Variants in DOP1B observed in about 807,000 individuals in gnomAD.
The protein encoded by DOP1B is DOP1 leucine zipper like protein B.
In DOP1B, 174 loss-of-function variants were observed where a neutral mutation model predicts 233.5. That is an observed-to-expected ratio of 0.75 (90% CI 0.66 to 0.85). DOP1B has a LOEUF of 0.85. DOP1B is among the 40% of genes least tolerant of loss of function. DOP1B has a pLI of 0.00. For synonymous variants in DOP1B, 1,190 were observed against 1,185.6 expected, an observed-to-expected ratio of 1.00 and a Z score of -0.08; for missense variants, 2,652 against 2,846.6, an observed-to-expected ratio of 0.93 and a Z score of 1.56.
chr21:36,212,829 T>C (rs1178870349), intron 7 of DOP1B, among the ~76,000 whole-genome samples: 9 of 152,244 alleles, frequency 5.9e-5, no homozygotes, highest in African/African-American at 1.7e-4. Flanking sequence ...TCGCCCAGAC[T>C]GGAGTGCAGT....
chr21:36,209,614 C>G (rs980672769), intron 5 of DOP1B, among the ~76,000 whole-genome samples: 1 of 152,154 alleles, frequency 6.6e-6, no homozygotes, highest in Non-Finnish European at 1.5e-5. Flanking sequence ...GCGTCCTCCC[C>G]CTCCTCTCTT....
At chr21:36,191,757 GC>G (rs1235091590) in intron 2 of DOP1B, among the ~76,000 whole-genome samples, 1 of 150,280 alleles carries the variant, frequency 6.7e-6, no homozygotes, top group African/African-American at 2.5e-5. Flanking sequence ...CTGCACTCCA[GC>G]CTGGCAACAG....
intron 27 of DOP1B, among the ~76,000 whole-genome samples, chr21:36,272,267 G>A (rs1460386793): frequency 1.3e-5 from 2 of 151,250 alleles, no homozygotes; most frequent in East Asian, 3.9e-4. Context: ...GTGAGAGGAT[G>A]GCTTGAGGCT....
intron 2 of DOP1B, among the ~76,000 whole-genome samples, chr21:36,166,165 G>A (rs906505658): frequency 6.6e-6 from 1 of 151,686 alleles, no homozygotes; most frequent in Non-Finnish European, 1.5e-5. Flanking sequence ...CAGACGTGGT[G>A]GCTCACACCT....
chr21:36,277,876 A>G (rs911329371), intron 28 of DOP1B, 99 bp from the exon 29 acceptor site: 2 of 912,368 alleles, frequency 2.2e-6, no homozygotes, highest in African/African-American at 1.6e-5. Context: ...TCCCAGCCTC[A>G]AGTGATCCGC....
In DOP1B at chr21:36,202,169, A is replaced by C. The variant is rs149367495; in HGVS notation, c.491+1668A>C. The stretch of plus-strand genomic sequence containing the variant: ...ACCACTGCACTCCAGCCTGGGTGAC[A>C]GAGTAAGACTACGTCTCAGAAAAAA... On this transcript the variant is annotated intron_variant, in intron 4 of 36. Coordinates refer to ENST00000691173, the MANE Select transcript of DOP1B (RefSeq NM_001320714.2). Among the ~76,000 whole-genome samples, 1,015 of 152,312 alleles carry C rather than the reference A, an allele frequency of 6.7e-3. 7 individuals carry two copies. The highest frequency in any genetic ancestry group is 0.021 in the African/African-American group (890 of 41,554).
chr21:36,256,518 A>G (rs536032487), intron 23 of DOP1B, among the ~76,000 whole-genome samples: 3 of 152,360 alleles, frequency 2.0e-5, no homozygotes, highest in African/African-American at 7.2e-5. Flanking sequence ...TTGTGTACCG[A>G]TGTTCATAGC....
Position 36,233,003 on chromosome 21 carries a change from G to A in DOP1B, c.2550G>A (p.Leu850=). The A allele has an allele frequency of 3.1e-6, 5 of 1,614,114 alleles. No individual in the cohort carries two copies. The highest frequency in any genetic ancestry group is 4.2e-6 in the Non-Finnish European group (5 of 1,180,002). ...SSGHNPFFGK[L]QMVTVPPIAP... ...GACACAACCCTTTTTTTGGCAAGCT[G>A]CAGATGGTGACGGTTCCTCCCATTG... Residue 850 remains leucine (L), a synonymous_variant, in exon 15 of 37, where the codon CTG becomes CTA. Transcript: ENST00000691173.
At chr21:36,227,655 T>C (rs1274554012) in intron 12 of DOP1B, 31 bp from the exon 13 acceptor site, 3 of 1,458,686 alleles carry the variant, frequency 2.1e-6, no homozygotes, top group Non-Finnish European at 2.7e-6. Context: ...GAACCAACAT[T>C]GTGGGGTTAA....
rs756682005 is a variant in DOP1B at position 36,211,645 on chromosome 21, C to A, written c.774C>A (p.Thr258=). The A allele has an allele frequency of 1.9e-6, 3 of 1,613,742 alleles. No individual in the cohort carries two copies. The African/African-American group carries it at 4.0e-5, about 22-fold the overall frequency. Residue 258 remains threonine (T), a synonymous_variant, in exon 6 of 37, where the codon ACC becomes ACA. Transcript: ENST00000691173. The part of the protein sequence containing the change: ...EIVLFFFPFY[T]CLDSNERAIP... The stretch of plus-strand genomic sequence containing the variant: ...TTCTGTTTTTCTTCCCATTTTATAC[C>A]TGTCTGGTAAGTAATTTGTACTCTT...
intron 32 of DOP1B, among the ~76,000 whole-genome samples, chr21:36,282,189 G>A (rs1238902674): frequency 6.6e-6 from 1 of 152,132 alleles, no homozygotes; most frequent in Non-Finnish European, 1.5e-5. Context: ...GGGAGGCCCA[G>A]GTGGGTGGAT....
intron 2 of DOP1B, among the ~76,000 whole-genome samples, chr21:36,172,382 C>A (rs1170527482): frequency 6.6e-6 from 1 of 152,192 alleles, no homozygotes; most frequent in East Asian, 1.9e-4. Context: ...GGAGGGAGCA[C>A]ATCTTGATCA....
At chr21:36,284,652 T>C (rs2067462289) in intron 32 of DOP1B, among the ~76,000 whole-genome samples, 1 of 151,974 alleles carries the variant, frequency 6.6e-6, no homozygotes, top group Non-Finnish European at 1.5e-5. Context: ...ATTAGGTGTA[T>C]AGAAGCTAGA....
chr21:36,274,866 A>G (rs2067332179), intron 27 of DOP1B, among the ~76,000 whole-genome samples: 1 of 152,102 alleles, frequency 6.6e-6, no homozygotes, highest in African/African-American at 2.4e-5. Context: ...TTTGTTTGAG[A>G]TGGAGTCTCG....
In DOP1B at chr21:36,245,032, A is replaced by G. The variant is rs564521929; in HGVS notation, c.3068-16A>G. On this transcript the variant is annotated splice_polypyrimidine_tract_variant and intron_variant, in intron 18 of 36. Coordinates refer to ENST00000691173, the MANE Select transcript of DOP1B (RefSeq NM_001320714.2). This position sits in a 1 kb window ranked among gnomAD's most constrained non-coding sequence, Gnocchi z 5.5. ...ACCCTTCTGTCTAAAGTCATTTGTC[A>G]TCTTGTAATTTTCAGATGACTTGCA... 7 of 1,580,344 alleles carry G rather than the reference A, an allele frequency of 4.4e-6. No homozygotes were observed. In the East Asian group the frequency reaches 1.4e-4, roughly 31 times the overall value.
chr21:36,277,834 G>T (rs542040202), intron 28 of DOP1B, 141 bp from the exon 29 acceptor site: 77 of 640,448 alleles, frequency 1.2e-4, no homozygotes, highest in Non-Finnish European at 2.1e-4. Context: ...TAGAGATGGG[G>T]TTTCACCATG....
intron 24 of DOP1B, 79 bp downstream of exon 24, chr21:36,260,811 T>C (rs2067161006): frequency 6.3e-7 from 1 of 1,586,172 alleles, no homozygotes; most frequent in African/African-American, 1.4e-5. Flanking sequence ...AAATATCTGG[T>C]TTTATTTCTA....
At chr21:36,187,267 A>G (rs867550640) in intron 2 of DOP1B, among the ~76,000 whole-genome samples, 6 of 135,180 alleles carry the variant, frequency 4.4e-5, no homozygotes, top group Non-Finnish European at 7.9e-5. Context: ...GCGCCCATTC[A>G]TCGTCTGTGG....
chr21:36,273,105 A>G (rs1018738617), intron 27 of DOP1B, among the ~76,000 whole-genome samples: 2 of 151,140 alleles, frequency 1.3e-5, no homozygotes, highest in Admixed American at 6.6e-5. Flanking sequence ...CATCTCAAAA[A>G]AATAAATAAA....
Sources: gnomAD v4.1 joint callset for allele counts (sites outside exome capture counted in the v4.1 genomes callset) on GRCh38, gnomAD v4.1.1 for gene constraint, Gnocchi (gnomAD v3.1) non-coding constraint, MANE v1.5 for transcripts, NCBI Gene and HGNC (gene_info 2026-07-23, HGNC 2026-07-21) for gene names.